The following CDH12 variants were observed in gnomAD, a reference collection of about 807,000 sequenced individuals.
CDH12 encodes the protein cadherin-12.
In CDH12, 41 loss-of-function variants were observed where a neutral mutation model predicts 74.1. The ratio of observed to expected loss-of-function variants is 0.55; its 90% CI spans 0.43 to 0.72. CDH12 has a LOEUF of 0.72. Among genes scored for constraint, CDH12 ranks in the 30% least tolerant of loss-of-function variants. The pLI is 0.00. For synonymous variants in CDH12, 399 were observed against 355.0 expected, an observed-to-expected ratio of 1.12 and a Z score of -1.39; for missense variants, 945 against 977.2, an observed-to-expected ratio of 0.97 and a Z score of 0.44.
At chr5:22,559,651 T>G (rs1279446200) in intron 1 of CDH12, among the ~76,000 whole-genome samples, 1 of 152,156 alleles carries the variant, frequency 6.6e-6, no homozygotes, top group East Asian at 1.9e-4. Context: ...AATTTTCATG[T>G]TTTTCTCTGA....
At chr5:22,592,770 G>A (rs1239774696) in intron 1 of CDH12, among the ~76,000 whole-genome samples, 2 of 150,530 alleles carry the variant, frequency 1.3e-5, no homozygotes, top group African/African-American at 4.9e-5. Context: ...GCCAGGCATG[G>A]TAGCTCACGC....
intron 4 of CDH12, among the ~76,000 whole-genome samples, chr5:22,122,637 G>T (rs768423368): frequency 2.0e-5 from 3 of 152,202 alleles, no homozygotes; most frequent in Non-Finnish European, 4.4e-5. Flanking sequence ...AGCACCATGA[G>T]AGTCTATGCT....
chr5:22,541,358 T>C (rs1016842997), intron 1 of CDH12, among the ~76,000 whole-genome samples: 5 of 152,350 alleles, frequency 3.3e-5, no homozygotes, highest in Non-Finnish European at 7.3e-5. Context: ...TCAATGTTCA[T>C]CAAAATGATG....
At chr5:21,836,045 G>A (rs1038962340) in intron 8 of CDH12, among the ~76,000 whole-genome samples, 2 of 151,620 alleles carry the variant, frequency 1.3e-5, no homozygotes, top group African/African-American at 2.4e-5. Flanking sequence ...GACAGCTGAC[G>A]TAAACAAAGA....
chr5:22,084,784 G>A (rs1742959416), intron 4 of CDH12, among the ~76,000 whole-genome samples: 1 of 152,114 alleles, frequency 6.6e-6, no homozygotes, highest in South Asian at 2.1e-4. Flanking sequence ...ATAATGCAAG[G>A]AGATTGAAGG....
chr5:22,751,320 G>GATATATATATATAATATACAT (rs1745560975), intron 1 of CDH12, among the ~76,000 whole-genome samples: 2 of 112,140 alleles, frequency 1.8e-5, no homozygotes, highest in South Asian at 6.0e-4. Flanking sequence ...ATTAAACTGT[G>GATATATATATATAATATACAT]ATATATATAT....
chr5:22,736,436 T>G (rs1395181187), intron 1 of CDH12, among the ~76,000 whole-genome samples: 1 of 151,840 alleles, frequency 6.6e-6, no homozygotes, highest in South Asian at 2.1e-4. Flanking sequence ...GTTTTGCTGT[T>G]GCCTTTGCTT....
At chr5:22,212,135 T>G (rs1000846275) in intron 4 of CDH12, 3 of 152,076 alleles carry the variant, frequency 2.0e-5, no homozygotes, top group African/African-American at 7.2e-5. Context: ...TGATTTAACT[T>G]TGAAGTTTTC....
At chr5:22,153,753 C>A (rs1324035814) in intron 4 of CDH12, among the ~76,000 whole-genome samples, 1 of 148,546 alleles carries the variant, frequency 6.7e-6, no homozygotes, top group Non-Finnish European at 1.5e-5. Flanking sequence ...AAAACATGTT[C>A]ATTGCAACAT....
At chr5:21,762,717 CT>C (rs1446394057) in intron 12 of CDH12, among the ~76,000 whole-genome samples, 3 of 152,026 alleles carry the variant, frequency 2.0e-5, no homozygotes, top group African/African-American at 7.2e-5. Context: ...AACTAATTTC[CT>C]TTTCTCAACT....
chr5:22,505,948 T>A (rs1736370967), intron 1 of CDH12, among the ~76,000 whole-genome samples: 1 of 152,148 alleles, frequency 6.6e-6, no homozygotes, highest in African/African-American at 2.4e-5. Context: ...TATGACTTAT[T>A]ACTGTTGACA....
At chr5:22,126,356 C>T (rs1364319403) in intron 4 of CDH12, among the ~76,000 whole-genome samples, 1 of 152,138 alleles carries the variant, frequency 6.6e-6, no homozygotes, top group Non-Finnish European at 1.5e-5. Context: ...ATGCGGCTCA[C>T]TTTCTGCTAT....
At chr5:22,509,280 C>T (rs545621606) in intron 1 of CDH12, among the ~76,000 whole-genome samples, 1 of 152,132 alleles carries the variant, frequency 6.6e-6, no homozygotes, top group South Asian at 2.1e-4. Flanking sequence ...GTGTGACAAG[C>T]TGAACAAAAC....
chr5:22,663,278 C>T (rs1370166421), intron 1 of CDH12, among the ~76,000 whole-genome samples: 3 of 152,154 alleles, frequency 2.0e-5, no homozygotes, highest in African/African-American at 7.2e-5. Flanking sequence ...AATCATTTAT[C>T]TTGTGCAACA....
At chr5:22,352,802 A>G (rs888164440) in intron 3 of CDH12, among the ~76,000 whole-genome samples, 22 of 152,200 alleles carry the variant, frequency 1.4e-4, no homozygotes, top group African/African-American at 4.8e-4. Flanking sequence ...ACTGGCAAAA[A>G]TATTTATTTA....
intron 5 of CDH12, among the ~76,000 whole-genome samples, chr5:22,025,349 A>T (rs1738277676): frequency 6.6e-6 from 1 of 152,200 alleles, no homozygotes; most frequent in Non-Finnish European, 1.5e-5. Context: ...GCAAATCATA[A>T]TTGTTTGGTT....
At chr5:22,728,514 A>G (rs1003406661) in intron 1 of CDH12, among the ~76,000 whole-genome samples, 1 of 151,932 alleles carries the variant, frequency 6.6e-6, no homozygotes, top group East Asian at 1.9e-4. Context: ...TACCTTGAGG[A>G]CTTAAAATAA....
At chr5:22,350,527 T>C (rs532620091) in intron 3 of CDH12, among the ~76,000 whole-genome samples, 6 of 152,282 alleles carry the variant, frequency 3.9e-5, no homozygotes, top group Non-Finnish European at 8.8e-5. Context: ...GTGGTACTTT[T>C]AAAATTCAAT....
At chr5:22,519,369 A>G (rs1163246453) in intron 1 of CDH12, among the ~76,000 whole-genome samples, 2 of 151,560 alleles carry the variant, frequency 1.3e-5, no homozygotes, top group African/African-American at 2.4e-5. Flanking sequence ...TTCTCTCACC[A>G]TGTCCAACTT....
Sources: allele counts gnomAD v4.1 joint callset (sites outside exome capture counted in the v4.1 genomes callset), GRCh38; gene constraint gnomAD v4.1.1; transcripts MANE v1.5; gene names NCBI Gene and HGNC (gene_info 2026-07-23, HGNC 2026-07-21).